Variants in SPAG16 observed in about 807,000 individuals in gnomAD.
SPAG16 encodes sperm-associated antigen 16 protein.
In SPAG16, 86 loss-of-function variants were observed where a neutral mutation model predicts 80.4. That is an observed-to-expected ratio of 1.07 (90% confidence interval 0.90 to 1.28). The LOEUF is 1.28. Ranked by LOEUF, SPAG16 falls within the 50% of genes most tolerant of loss-of-function variation. The pLI is 0.00. For synonymous variants in SPAG16, 294 were observed against 265.9 expected, an observed-to-expected ratio of 1.11 and a Z score of -1.03; for missense variants, 870 against 765.3, an observed-to-expected ratio of 1.14 and a Z score of -1.61.
intron 9 of SPAG16, among the ~76,000 whole-genome samples, chr2:213,441,489 G>A (rs1007699305): frequency 1.3e-5 from 2 of 152,206 alleles, no homozygotes; most frequent in African/African-American, 4.8e-5. Flanking sequence ...TAAAGGGGTA[G>A]TGACAAAATG....
At chr2:214,247,267 C>G (rs1013894942) in intron 15 of SPAG16, among the ~76,000 whole-genome samples, 4 of 151,750 alleles carry the variant, frequency 2.6e-5, no homozygotes, top group African/African-American at 9.7e-5. Flanking sequence ...AAAAGAATAT[C>G]TTTTAGGATA....
intron 10 of SPAG16, among the ~76,000 whole-genome samples, chr2:213,739,902 A>G (rs532019497): frequency 6.6e-6 from 1 of 152,324 alleles, no homozygotes; most frequent in South Asian, 2.1e-4. Context: ...GTGCCTGGCC[A>G]AAATCTCTGC....
At chr2:213,817,259 A>T (rs181416157) in intron 10 of SPAG16, among the ~76,000 whole-genome samples, 91 of 145,984 alleles carry the variant, frequency 6.2e-4, no homozygotes, top group Non-Finnish European at 4.1e-4. Context: ...TATATATGAT[A>T]TATATATATA....
intron 15 of SPAG16, among the ~76,000 whole-genome samples, chr2:214,167,313 A>G (rs1008979729): frequency 1.3e-5 from 2 of 152,044 alleles, no homozygotes; most frequent in Admixed American, 6.6e-5. Flanking sequence ...AGGTTCTTCC[A>G]TCTATTACTG....
intron 12 of SPAG16, among the ~76,000 whole-genome samples, chr2:213,960,171 A>C (rs1431320123): frequency 6.6e-6 from 1 of 152,006 alleles, no homozygotes; most frequent in African/African-American, 2.4e-5. Context: ...CCCTTTAGTT[A>C]ATTTTTCCTT....
intron 9 of SPAG16, among the ~76,000 whole-genome samples, chr2:213,441,855 A>G (rs888042098): frequency 6.6e-6 from 1 of 152,230 alleles, no homozygotes; most frequent in Non-Finnish European, 1.5e-5. Context: ...GGAATTTGAA[A>G]TTAAAAACAC....
chr2:213,718,995 G>A (rs1380646514), intron 10 of SPAG16, among the ~76,000 whole-genome samples: 1 of 152,206 alleles, frequency 6.6e-6, no homozygotes, highest in Admixed American at 6.5e-5. Flanking sequence ...TCTAGTTCAG[G>A]GATTGTAAAT....
chr2:214,011,407 C>T (rs1385423446), intron 12 of SPAG16, among the ~76,000 whole-genome samples: 3 of 119,906 alleles, frequency 2.5e-5, no homozygotes, highest in African/African-American at 4.1e-5. Flanking sequence ...CCCAAGTATA[C>T]TCGTAAATAT....
At chr2:213,507,408 C>T (rs1226947101) in intron 10 of SPAG16, among the ~76,000 whole-genome samples, 3 of 152,302 alleles carry the variant, frequency 2.0e-5, no homozygotes, top group African/African-American at 7.2e-5. Context: ...CAAATATACT[C>T]AGAACGTTGT....
intron 10 of SPAG16, among the ~76,000 whole-genome samples, chr2:213,829,317 A>G (rs2073486861): frequency 1.3e-5 from 2 of 152,160 alleles, no homozygotes; most frequent in African/African-American, 4.8e-5. Context: ...GGCATTGCCA[A>G]TGTGCACATA....
chr2:213,576,843 G>A (rs547683415), intron 10 of SPAG16, among the ~76,000 whole-genome samples: 2 of 152,200 alleles, frequency 1.3e-5, no homozygotes, highest in South Asian at 4.1e-4. Flanking sequence ...CCTTTTGGAG[G>A]GTGGAGGGTG....
At chr2:214,209,795 C>T (rs183879659) in intron 15 of SPAG16, among the ~76,000 whole-genome samples, 1 of 152,238 alleles carries the variant, frequency 6.6e-6, no homozygotes, top group East Asian at 1.9e-4. Flanking sequence ...AACCTGCAAC[C>T]TTCCATAGTC....
At chr2:213,378,545 A>T (rs957635370) in intron 9 of SPAG16, among the ~76,000 whole-genome samples, 2 of 152,156 alleles carry the variant, frequency 1.3e-5, no homozygotes, top group African/African-American at 4.8e-5. Context: ...CTTATATCAC[A>T]TGATAAGGGA....
chr2:213,489,137 T>G (rs1486991892), intron 9 of SPAG16, among the ~76,000 whole-genome samples: 2 of 152,196 alleles, frequency 1.3e-5, no homozygotes, highest in African/African-American at 4.8e-5. Context: ...ATAAATAATT[T>G]TTGAATAAGT....
At chr2:214,137,388 G>C (rs1402723451) in intron 14 of SPAG16, among the ~76,000 whole-genome samples, 1 of 151,842 alleles carries the variant, frequency 6.6e-6, no homozygotes, top group Non-Finnish European at 1.5e-5. Flanking sequence ...CCAAAATATA[G>C]TTTAGCTATA....
chr2:214,052,516 T>C (rs539944098), intron 13 of SPAG16, among the ~76,000 whole-genome samples: 15 of 152,322 alleles, frequency 9.8e-5, no homozygotes, highest in African/African-American at 3.4e-4. Flanking sequence ...ACTCCACTGT[T>C]GATTGCAGTG....
intron 12 of SPAG16, among the ~76,000 whole-genome samples, chr2:213,931,542 G>A (rs963777960): frequency 1.6e-4 from 24 of 152,058 alleles, no homozygotes; most frequent in African/African-American, 4.8e-4. Flanking sequence ...GTTGAGGATC[G>A]TAATAGAAAA....
At chr2:213,609,888 C>T (rs1046769016) in intron 10 of SPAG16, among the ~76,000 whole-genome samples, 1 of 151,980 alleles carries the variant, frequency 6.6e-6, no homozygotes, top group African/African-American at 2.4e-5. Flanking sequence ...ATTCTCTAAA[C>T]AAAATCCCCT....
chr2:213,881,594 A>G (rs1472437113), intron 11 of SPAG16, among the ~76,000 whole-genome samples: 2 of 152,204 alleles, frequency 1.3e-5, no homozygotes, highest in African/African-American at 4.8e-5. Flanking sequence ...TGAAGAGGGG[A>G]ACAAGGCACC....
Sources: allele counts gnomAD v4.1 joint callset (sites outside exome capture counted in the v4.1 genomes callset), GRCh38; gene constraint gnomAD v4.1.1; transcripts MANE v1.5; gene names NCBI Gene and HGNC (gene_info 2026-07-23, HGNC 2026-07-21).